The following ENO4 variants were observed in gnomAD, a reference collection of about 807,000 sequenced individuals.
ENO4 encodes enolase 4.
Under a neutral mutation model 63.2 loss-of-function variants are expected in ENO4, and 53 were observed. The observed-to-expected ratio is 0.84, with a 90% CI of 0.67 to 1.05. The LOEUF is 1.05. ENO4 is among the 50% of genes least tolerant of loss of function. ENO4 has a pLI of 0.00. For synonymous variants in ENO4, 266 were observed against 283.8 expected, an observed-to-expected ratio of 0.94 and a Z score of 0.63; for missense variants, 719 against 772.0, an observed-to-expected ratio of 0.93 and a Z score of 0.81.
At chr10:116,900,933 T>C (rs775636540) in intron 10 of ENO4, 50 of 985,324 alleles carry the variant, frequency 5.1e-5, no homozygotes, top group Non-Finnish European at 5.8e-5. Flanking sequence ...TAGATCCAAA[T>C]TGAATTCCAA....
At chr10:116,891,544 G>A (rs767704689) in intron 10 of ENO4, among the ~76,000 whole-genome samples, 7 of 152,144 alleles carry the variant, frequency 4.6e-5, no homozygotes, top group Non-Finnish European at 8.8e-5. Flanking sequence ...TTATAAAGTC[G>A]TTTCCTGGAC....
chr10:116,907,188 C>T (rs917907666), intron 10 of ENO4, among the ~76,000 whole-genome samples: 2 of 152,166 alleles, frequency 1.3e-5, no homozygotes, highest in African/African-American at 4.8e-5. Flanking sequence ...GTGACTGATC[C>T]TTCAGAGGGT....
At chr10:116,890,169 T>G (rs1252225376) in intron 10 of ENO4, among the ~76,000 whole-genome samples, 1 of 48 alleles carries the variant, frequency 0.021, no homozygotes, top group Non-Finnish European at 0.071. Flanking sequence ...TGTTCAATTT[T>G]TTTTTCTACT....
At chr10:116,879,430 C>G in intron 12 of ENO4, 72 bp downstream of exon 12, 1 of 1,199,482 alleles carries the variant, frequency 8.3e-7, no homozygotes, top group Non-Finnish European at 1.2e-6. Flanking sequence ...GAAATGCAGT[C>G]TCTGGTGGAG....
chr10:116,901,928 ACT>A (rs1487620936), intron 10 of ENO4: 1 of 1,602,578 alleles, frequency 6.2e-7, no homozygotes, highest in East Asian at 2.3e-5. Context: ...ATGGATTTGG[ACT>A]CTGAGGTGGC....
At chr10:116,903,258 C>T (rs185801889) in intron 10 of ENO4, among the ~76,000 whole-genome samples, 72 of 152,212 alleles carry the variant, frequency 4.7e-4, no homozygotes, top group Non-Finnish European at 4.9e-4. Context: ...TCCGGCTGTA[C>T]GTGGTGGCTC....
At chr10:116,882,710 G>A (rs1847054766), downstream of ENO4, 2 of 151,974 alleles carry the variant, frequency 1.3e-5, no homozygotes, top group South Asian at 4.2e-4. Flanking sequence ...TACTAACAAG[G>A]GACCTTAATT....
chr10:116,885,136 C>T (rs532655539), downstream of ENO4: 9 of 152,744 alleles, frequency 5.9e-5, no homozygotes, highest in East Asian at 9.6e-4. Flanking sequence ...CAATACAATA[C>T]AACTACTGCA....
At chr10:116,903,227 A>G (rs1847817732) in intron 10 of ENO4, among the ~76,000 whole-genome samples, 1 of 152,192 alleles carries the variant, frequency 6.6e-6, no homozygotes, top group African/African-American at 2.4e-5. Flanking sequence ...ATTATTGGAT[A>G]TTTTGATCTA....
intron 10 of ENO4, among the ~76,000 whole-genome samples, chr10:116,891,487 T>C (rs1021655297): frequency 1.3e-5 from 2 of 152,186 alleles, no homozygotes; most frequent in Non-Finnish European, 2.9e-5. Context: ...ACCGCAACCA[T>C]ATTTACCGCC....
rs572388113 is a variant in ENO4, at chr10:116,873,975, C to G, written c.1216-101C>G. ...GCCCTGAAAAGAACCTGTTTACAACCTCTTATATAAAATGAACGAAAACGA... is the reference window on the plus strand; with the variant it reads ...GCCCTGAAAAGAACCTGTTTACAACGTCTTATATAAAATGAACGAAAACGA... On this transcript the variant is annotated intron_variant, in intron 9 of 13. Coordinates refer to ENST00000341276, the MANE Select transcript of ENO4 (RefSeq NM_001242699.2). 40 of 1,383,394 alleles carry G rather than the reference C, an allele frequency of 2.9e-5. No homozygotes were observed. In the Middle Eastern group the frequency reaches 8.2e-4, roughly 28 times the overall value. The allele number at this position is 1,383,394 out of a possible 1,614,324, so 85.7% of individuals were successfully genotyped here. A position where few individuals can be genotyped will look rare whatever the true frequency, so the allele number is the denominator to read the frequency against.
At chr10:116,866,363 G>A (rs977404573) in intron 7 of ENO4, among the ~76,000 whole-genome samples, 3 of 152,274 alleles carry the variant, frequency 2.0e-5, no homozygotes, top group Admixed American at 6.5e-5. Flanking sequence ...CTATGCTGTC[G>A]AAGTCACAAA....
chr10:116,906,477 AAT>A lies in ENO4; in HGVS notation c.1195-5019_1195-5018del, dbSNP rs1451481003. 4.4e-6 allele frequency: 3 copies of A among 685,746 alleles called. No homozygotes were observed. The African/African-American group carries it at 5.5e-5, about 13-fold the overall frequency. 42.5% of individuals were successfully genotyped at this position (685,746 alleles called of 1,614,324 possible). The stretch of plus-strand genomic sequence containing the variant: ...TAAGAGTTCTTATGAGATATCCATA[AAT>A]ATCTTTACCCATCCCATACTTCTCA... On this transcript the variant is annotated intron_variant, in intron 10 of 10. Transcript: ENST00000369207.
chr10:116,881,336 G>A, intron 13 of ENO4, 179 bp from the exon 14 acceptor site: 1 of 552,330 alleles, frequency 1.8e-6, no homozygotes, highest in Non-Finnish European at 3.2e-6. Flanking sequence ...CAGAACATCT[G>A]TATGGCACAA....
chr10:116,881,508 T>A lies in ENO4; in HGVS notation c.1724-7T>A. The A allele has an allele frequency of 6.5e-7, 1 of 1,533,252 alleles. No homozygotes were observed. Among genetic ancestry groups the A allele is most frequent in the Non-Finnish European group, 8.8e-7 (1 of 1,140,384 alleles). The allele number at this position is 1,533,252 out of a possible 1,614,324, so 95.0% of individuals were successfully genotyped here. A position where few individuals can be genotyped will look rare whatever the true frequency, so the allele number is the denominator to read the frequency against. On this transcript the variant is annotated splice_polypyrimidine_tract_variant and splice_region_variant and intron_variant, in intron 13 of 13. Coordinates refer to ENST00000341276, the MANE Select transcript of ENO4 (RefSeq NM_001242699.2). ...TAGACAGTAAACTTTATTGTTACTTTAAATAGGTTTCAAAGAAGAACACAC... is the reference window on the plus strand; with the variant it reads ...TAGACAGTAAACTTTATTGTTACTTAAAATAGGTTTCAAAGAAGAACACAC...
chr10:116,905,687 G>T (rs753371307), intron 10 of ENO4, among the ~76,000 whole-genome samples: 7 of 152,246 alleles, frequency 4.6e-5, no homozygotes, highest in Non-Finnish European at 7.4e-5. Context: ...GCATTTTCCA[G>T]ATTTAAACTG....
chr10:116,893,576 G>GCGTGCACACACACACACACACACACACA (rs1554905664), intron 10 of ENO4, among the ~76,000 whole-genome samples: 1 of 123,524 alleles, frequency 8.1e-6, no homozygotes, highest in Non-Finnish European at 1.6e-5. Flanking sequence ...GCACTCATGT[G>GCGTGCACACACACACACACACACACACA]CACACACACA....
chr10:116,911,482 C>G, intron 10 of ENO4: 1 of 1,550,334 alleles, frequency 6.5e-7, no homozygotes, highest in Non-Finnish European at 8.7e-7. Flanking sequence ...CATGTACGGA[C>G]CCTTACATAT....
At chr10:116,866,830 T>C (rs1245475473) in intron 7 of ENO4, among the ~76,000 whole-genome samples, 1 of 151,048 alleles carries the variant, frequency 6.6e-6, no homozygotes, top group African/African-American at 2.4e-5. Flanking sequence ...AAATCCTGTA[T>C]GGGAGGAACG....
Sources: gnomAD v4.1 joint callset for allele counts (sites outside exome capture counted in the v4.1 genomes callset) on GRCh38, gnomAD v4.1.1 for gene constraint, MANE v1.5 for transcripts, NCBI Gene and HGNC (gene_info 2026-07-23, HGNC 2026-07-21) for gene names.